The following CCDC7 variants were observed in gnomAD, a reference collection of about 807,000 sequenced individuals.
CCDC7 encodes the protein coiled-coil domain containing 7, also known as coiled-coil domain-containing protein 7.
Under a neutral mutation model 196.9 loss-of-function variants are expected in CCDC7, and 183 were observed. The ratio of observed to expected loss-of-function variants is 0.93; its 90% confidence interval spans 0.82 to 1.05. CCDC7 has a LOEUF of 1.05. Among genes scored for constraint, CCDC7 ranks in the 50% least tolerant of loss-of-function variants. The pLI, the probability that CCDC7 is intolerant of heterozygous loss-of-function variation, is 0.00. For synonymous variants in CCDC7, 525 were observed against 484.6 expected (o/e 1.08, Z -1.10); for missense variants, 1,540 against 1,482.2 (o/e 1.04, Z -0.64).
intron 9 of CCDC7, among the ~76,000 whole-genome samples, chr10:32,506,327 T>A (rs1332245890): frequency 1.4e-5 from 2 of 145,924 alleles, no homozygotes; most frequent in African/African-American, 5.2e-5. Context: ...CCTCACTTCC[T>A]AGATGGGGTG....
At chr10:32,619,278 G>A (rs765887566) in intron 18 of CCDC7, among the ~76,000 whole-genome samples, 1 of 151,906 alleles carries the variant, frequency 6.6e-6, no homozygotes, top group Non-Finnish European at 1.5e-5. Flanking sequence ...TCTGTAAAAC[G>A]AAAGAGATTC....
intron 18 of CCDC7, among the ~76,000 whole-genome samples, chr10:32,608,112 G>A (rs898222896): frequency 2.0e-5 from 3 of 151,846 alleles, no homozygotes; most frequent in African/African-American, 4.8e-5. Context: ...TTTCATAGTC[G>A]TCTCTGATGA....
At chr10:32,588,695 T>G (rs888956525) in intron 18 of CCDC7, among the ~76,000 whole-genome samples, 1 of 152,134 alleles carries the variant, frequency 6.6e-6, no homozygotes. Flanking sequence ...TATTCTTTTA[T>G]TTTTTAGAAG....
At chr10:32,510,688 A>G (rs2045973749) in intron 9 of CCDC7, among the ~76,000 whole-genome samples, 1 of 152,156 alleles carries the variant, frequency 6.6e-6, no homozygotes, top group Non-Finnish European at 1.5e-5. Context: ...TCATCCATCA[A>G]CATACAACCT....
intron 16 of CCDC7, among the ~76,000 whole-genome samples, chr10:32,573,015 T>C (rs112521011): frequency 0.053 from 8,024 of 152,082 alleles, 711 homozygotes; most frequent in African/African-American, 0.18. Flanking sequence ...GGAGCTGGGA[T>C]TACAGGCGTC....
intron 18 of CCDC7, among the ~76,000 whole-genome samples, chr10:32,623,011 T>C (rs1235703695): frequency 6.6e-6 from 1 of 152,184 alleles, no homozygotes; most frequent in Non-Finnish European, 1.5e-5. Flanking sequence ...TCGCAAACTC[T>C]CTTCTGAATG....
chr10:32,547,641 A>C (rs1589746108), intron 13 of CCDC7, among the ~76,000 whole-genome samples: 1 of 152,174 alleles, frequency 6.6e-6, no homozygotes, highest in Non-Finnish European at 1.5e-5. Context: ...GTATATATTT[A>C]TGGGATACAT....
intron 21 of CCDC7, among the ~76,000 whole-genome samples, chr10:32,679,945 GT>G (rs2075617320): frequency 6.6e-6 from 1 of 152,134 alleles, no homozygotes; most frequent in African/African-American, 2.4e-5. Flanking sequence ...TGTTACGTAA[GT>G]TTTCACACTC....
chr10:32,462,746 A>G, intron 4 of CCDC7, 43 bp downstream of exon 5: 1 of 1,433,236 alleles, frequency 7.0e-7, no homozygotes. Context: ...AAAACTTAAC[A>G]CAGAAATACA....
intron 11 of CCDC7, among the ~76,000 whole-genome samples, chr10:32,525,481 T>C (rs2048530376): frequency 6.6e-6 from 1 of 152,234 alleles, no homozygotes; most frequent in African/African-American, 2.4e-5. Context: ...TTGAGTTTTC[T>C]GAAAACAGCT....
intron 3 of CCDC7, among the ~76,000 whole-genome samples, chr10:32,457,038 A>G (rs2034508249): frequency 6.6e-6 from 1 of 151,564 alleles, no homozygotes; most frequent in South Asian, 2.1e-4. Context: ...TATATATAAT[A>G]AACCGTTGTT....
At chr10:32,626,932 C>G (rs1411342273) in intron 18 of CCDC7, among the ~76,000 whole-genome samples, 1 of 151,814 alleles carries the variant, frequency 6.6e-6, no homozygotes, top group East Asian at 1.9e-4. Context: ...TTGGCAGTAC[C>G]ATGCTGTTTT....
intron 16 of CCDC7, among the ~76,000 whole-genome samples, chr10:32,575,047 G>A (rs906993175): frequency 6.6e-6 from 1 of 151,892 alleles, no homozygotes; most frequent in African/African-American, 2.4e-5. Flanking sequence ...TAACAGGAGA[G>A]ACAAAAAATA....
intron 39 of CCDC7, among the ~76,000 whole-genome samples, chr10:32,851,082 T>C (rs2093547992): frequency 6.6e-6 from 1 of 152,210 alleles, no homozygotes; most frequent in Admixed American, 6.5e-5. Flanking sequence ...GTGTTCTTTA[T>C]TTCTGCTTTG....
At chr10:32,816,999 GA>G (rs1343221421) in intron 31 of CCDC7, among the ~76,000 whole-genome samples, 1 of 152,204 alleles carries the variant, frequency 6.6e-6, no homozygotes, top group Non-Finnish European at 1.5e-5. Flanking sequence ...TGACTTTGAT[GA>G]GTTGAGAGAA....
chr10:32,786,296 T>A (rs2134460373), intron 29 of CCDC7, among the ~76,000 whole-genome samples: 1 of 152,314 alleles, frequency 6.6e-6, no homozygotes, highest in African/African-American at 2.4e-5. Flanking sequence ...GGAGAAAAGA[T>A]AATCTCTAGC....
At chr10:32,751,733 G>T (rs1412685764) in intron 28 of CCDC7, among the ~76,000 whole-genome samples, 2 of 152,048 alleles carry the variant, frequency 1.3e-5, no homozygotes, top group African/African-American at 2.4e-5. Flanking sequence ...TGCTGCTTGT[G>T]GGTAATGGGG....
chr10:32,796,752 A>G (rs955219967), intron 29 of CCDC7, among the ~76,000 whole-genome samples: 19 of 152,234 alleles, frequency 1.2e-4, no homozygotes, highest in Non-Finnish European at 2.4e-4. Context: ...CCTGAAGAAG[A>G]ATAAATAAAA....
chr10:32,751,176 C>A (rs1391138971), intron 28 of CCDC7, among the ~76,000 whole-genome samples: 1 of 151,630 alleles, frequency 6.6e-6, no homozygotes, highest in African/African-American at 2.4e-5. Flanking sequence ...AAAGCTGATA[C>A]CTTAGTGGTT....
Sources: gnomAD v4.1 joint callset for allele counts (sites outside exome capture counted in the v4.1 genomes callset) on GRCh38, gnomAD v4.1.1 for gene constraint, MANE v1.5 for transcripts, NCBI Gene and HGNC (gene_info 2026-07-23, HGNC 2026-07-21) for gene names.